The following GLI3 variants were observed in gnomAD, a reference collection of about 807,000 sequenced individuals.
The protein encoded by GLI3 is transcription activator GLI3.
GLI3 carries 20 observed loss-of-function variants against 100.8 expected under a neutral mutation model. That is an observed-to-expected ratio of 0.20 (90% CI 0.14 to 0.29). The LOEUF is 0.29. Among genes scored for constraint, GLI3 ranks in the 10% least tolerant of loss-of-function variants. The pLI is 1.00. For missense variants in GLI3, 2,040 were observed against 2,128.5 expected (o/e 0.96, Z 0.82); for synonymous variants, 938 against 860.5 (o/e 1.09, Z -1.58).
At chr7:42,218,995 T>G (rs769208061) in intron 2 of GLI3, among the ~76,000 whole-genome samples, 33 of 152,274 alleles carry the variant, frequency 2.2e-4, no homozygotes, top group Non-Finnish European at 4.3e-4. Flanking sequence ...TGAGAACATG[T>G]AGAACATTGG....
intron 2 of GLI3, among the ~76,000 whole-genome samples, chr7:42,208,138 G>A (rs1459688504): frequency 5.9e-5 from 9 of 152,152 alleles, no homozygotes; most frequent in Non-Finnish European, 1.0e-4. Flanking sequence ...CAGCCTAGGC[G>A]ACAGAGGGAG....
rs538062330 is a variant in GLI3, at chr7:42,193,916, A to G, written c.124+29214T>C. ...TGCCTCAGATAACTTTAAAGAAAAT[A>G]AAACAGATACCGCTAAAGCTCCCCT... On this transcript the variant is annotated intron_variant, in intron 2 of 14. Coordinates refer to ENST00000395925, the MANE Select transcript of GLI3 (RefSeq NM_000168.6). 3.9e-5 allele frequency among the ~76,000 whole-genome samples: 6 copies of G among 152,372 alleles called. No homozygotes were observed. The South Asian group carries it at 1.2e-3, about 32-fold the overall frequency.
rs1416933827 is a variant in GLI3 at position 42,113,654 on chromosome 7, C to T, written c.367+34572G>A. Reference sequence around the variant, plus strand: ...CTGCATTTTTGATAACTGTGTACTTCTGATGACTGTACAGTTTGAAATACT... The same window carrying T: ...CTGCATTTTTGATAACTGTGTACTTTTGATGACTGTACAGTTTGAAATACT... On this transcript the variant is annotated intron_variant, in intron 3 of 14. Transcript: ENST00000395925. The T allele has an allele frequency of 2.7e-4, 225 of 833,234 alleles. No homozygotes were observed. In the East Asian group the frequency reaches 5.5e-3, roughly 20 times the overall value. The allele number at this position is 833,234 out of a possible 1,614,324, so 51.6% of individuals were successfully genotyped here. A position where few individuals can be genotyped will look rare whatever the true frequency, so the allele number is the denominator to read the frequency against.
chr7:42,195,243 C>A (rs1181380421), intron 2 of GLI3, among the ~76,000 whole-genome samples: 1 of 152,206 alleles, frequency 6.6e-6, no homozygotes, highest in Non-Finnish European at 1.5e-5. Flanking sequence ...ACCTATCTCC[C>A]ATCCTTGAAC....
intron 2 of GLI3, among the ~76,000 whole-genome samples, chr7:42,196,638 T>C (rs1269579356): frequency 6.6e-6 from 1 of 152,238 alleles, no homozygotes; most frequent in African/African-American, 2.4e-5. Context: ...TTCCACCTTA[T>C]GAACCTGGTG....
At chr7:42,197,805 C>A (rs1787958797) in intron 2 of GLI3, among the ~76,000 whole-genome samples, 1 of 152,204 alleles carries the variant, frequency 6.6e-6, no homozygotes, top group African/African-American at 2.4e-5. Flanking sequence ...AGCAGCTGTG[C>A]AAATCCCTGA....
At position 42,255,534 on chromosome 7, in the gene GLI3, G is replaced by A. The variant is rs1039907952; in HGVS notation, c.-43+8460C>T. Among the ~76,000 whole-genome samples, 3 of 152,218 alleles carry A rather than the reference G, an allele frequency of 2.0e-5. No individual in the cohort carries two copies. In the East Asian group the frequency reaches 5.8e-4, roughly 29 times the overall value. The stretch of plus-strand genomic sequence containing the variant: ...GCTAATATGCTTTCTATCCAAGTTT[G>A]CCTTTTAGGGACATTTCATATACAC... On this transcript the variant is annotated intron_variant, in intron 1 of 2. Coordinates refer to the GLI3 transcript ENST00000678978.
chr7:42,059,157 C>A (rs913520424), intron 4 of GLI3, among the ~76,000 whole-genome samples: 3 of 152,136 alleles, frequency 2.0e-5, no homozygotes, highest in African/African-American at 7.2e-5. Flanking sequence ...AACCAAATGG[C>A]AGATGACAAC....
Position 41,965,311 on chromosome 7 carries a change from A to G in GLI3, c.3762T>C (p.Tyr1254=), listed in dbSNP as rs148043302. 2.2e-4 allele frequency: 360 copies of G among 1,613,998 alleles called. No individual in the cohort carries two copies. The highest frequency in any genetic ancestry group is 2.8e-4 in the Admixed American group (17 of 60,012). Residue 1254 remains tyrosine (Y), a synonymous_variant, in exon 15 of 15, where the codon TAT becomes TAC. Transcript: ENST00000395925. ...CTGGCTGCCTGTTGAGACAGTTCCC[A>G]TACTGCGGGGCCTTACAGGGCTGTT... ...FHEQPCKAPQ[Y]GNCLNRQPVA... is the part of the protein sequence containing the mutation.
intron 2 of GLI3, among the ~76,000 whole-genome samples, chr7:42,164,840 A>C (rs1240673238): frequency 6.6e-6 from 1 of 151,672 alleles, no homozygotes; most frequent in Admixed American, 6.6e-5. Context: ...AAATAAATAA[A>C]TAAATAAATA....
At chr7:42,230,287 G>A (rs543938543) in intron 1 of GLI3, among the ~76,000 whole-genome samples, 1 of 152,276 alleles carries the variant, frequency 6.6e-6, no homozygotes, top group East Asian at 1.9e-4. Flanking sequence ...TGGTAGCTCA[G>A]GGTTCCCCAA....
chr7:42,129,576 C>T (rs572737411), intron 3 of GLI3, among the ~76,000 whole-genome samples: 88 of 152,152 alleles, frequency 5.8e-4, no homozygotes, highest in East Asian at 4.9e-3. Flanking sequence ...TTTGGGAGGC[C>T]GAGGCGGGGG....
chr7:42,040,954 C>T (rs699490), intron 6 of GLI3, among the ~76,000 whole-genome samples: 84,700 of 151,872 alleles, frequency 0.56, 25,769 homozygotes, highest in African/African-American at 0.82. Context: ...TTCAGGGTCA[C>T]CCTCCCCACA....
At chr7:42,073,296 TGAAG>T (rs1158151801) in intron 4 of GLI3, among the ~76,000 whole-genome samples, 42 of 152,324 alleles carry the variant, frequency 2.8e-4, no homozygotes, top group Non-Finnish European at 4.4e-4. Flanking sequence ...CAGGGCAAGC[TGAAG>T]GCATTCCGTT....
intron 3 of GLI3, among the ~76,000 whole-genome samples, chr7:42,085,574 A>G (rs1468453107): frequency 6.6e-6 from 1 of 152,170 alleles, no homozygotes; most frequent in African/African-American, 2.4e-5. Flanking sequence ...TGATCTACCC[A>G]GTGTTGCATA....
At chr7:42,003,253 G>C (rs760985075) in intron 10 of GLI3, among the ~76,000 whole-genome samples, 2 of 152,018 alleles carry the variant, frequency 1.3e-5, no homozygotes. Flanking sequence ...TTATAATCTC[G>C]AAGTGCATGT....
chr7:42,050,929 C>T (rs846264), intron 4 of GLI3, among the ~76,000 whole-genome samples: 1 of 151,966 alleles, frequency 6.6e-6, no homozygotes, highest in Non-Finnish European at 1.5e-5. Flanking sequence ...AAAATTATAG[C>T]GGCCAGGCTA....
intron 3 of GLI3, among the ~76,000 whole-genome samples, chr7:42,114,013 A>G (rs971693250): frequency 2.6e-5 from 4 of 152,228 alleles, no homozygotes; most frequent in Admixed American, 2.6e-4. Flanking sequence ...CCTTAAAGCC[A>G]GACATCTGTT....
At chr7:42,078,732 T>G (rs1784934035) in intron 3 of GLI3, among the ~76,000 whole-genome samples, 2 of 147,296 alleles carry the variant, frequency 1.4e-5, no homozygotes, top group East Asian at 2.0e-4. Context: ...CACAGTTTTT[T>G]TTTTTTTTTT....
Sources: gnomAD v4.1 joint callset for allele counts (sites outside exome capture counted in the v4.1 genomes callset) on GRCh38, gnomAD v4.1.1 for gene constraint, MANE v1.5 for transcripts, NCBI Gene and HGNC (gene_info 2026-07-23, HGNC 2026-07-21) for gene names.